The following RAB38 variants were observed in gnomAD, a reference collection of about 807,000 sequenced individuals.
RAB38 encodes the protein RAB38, member RAS oncogene family, also known as ras-related protein Rab-38.
RAB38 carries 15 observed loss-of-function variants against 18.4 expected under a neutral mutation model. The observed-to-expected ratio is 0.82, with a 90% CI of 0.55 to 1.26. The LOEUF is 1.26. Ranked by LOEUF, RAB38 falls within the 50% of genes most tolerant of loss-of-function variation. The probability of loss-of-function intolerance (pLI) is 0.00; values close to 1 mark genes in which losing one functional copy is unlikely to be tolerated. For synonymous variants in RAB38, 101 were observed against 104.4 expected (o/e 0.97, Z 0.20); for missense variants, 294 against 267.4 (o/e 1.10, Z -0.69).
the RAB38 span, among the ~76,000 whole-genome samples, chr11:87,958,059 T>C: frequency 6.6e-6 from 1 of 152,160 alleles, no homozygotes; most frequent in African/African-American, 2.4e-5. Context: ...CTGTAAAAAC[T>C]GTACTTCAAA....
At chr11:87,905,251 C>A in the RAB38 span, among the ~76,000 whole-genome samples, 2 of 151,046 alleles carry the variant, frequency 1.3e-5, no homozygotes, top group African/African-American at 4.9e-5. Context: ...AATCTTGTAT[C>A]TTTTCCCTCC....
chr11:87,813,692 T>C, the RAB38 span, among the ~76,000 whole-genome samples: 243 of 152,302 alleles, frequency 1.6e-3, 1 homozygote, highest in African/African-American at 5.5e-3. Flanking sequence ...CGTACCATAT[T>C]TTATTTCAGC....
At chr11:87,946,645 GT>G in the RAB38 span, among the ~76,000 whole-genome samples, 1 of 151,990 alleles carries the variant, frequency 6.6e-6, no homozygotes, top group African/African-American at 2.4e-5. Context: ...GTGGTGTTTG[GT>G]TTTTTGTCCT....
At chr11:87,870,898 G>A in the RAB38 span, among the ~76,000 whole-genome samples, 44,976 of 151,354 alleles carry the variant, frequency 0.3, 8,607 homozygotes, top group African/African-American at 0.53. Context: ...TTCATTTGCA[G>A]TGCAATATTT....
At chr11:87,931,201 G>A in the RAB38 span, among the ~76,000 whole-genome samples, 1 of 152,086 alleles carries the variant, frequency 6.6e-6, no homozygotes, top group East Asian at 1.9e-4. Context: ...CATGAGCATG[G>A]AATGTTCTTC....
At chr11:88,160,320 A>G (rs1445544631) in intron 1 of RAB38, among the ~76,000 whole-genome samples, 2 of 152,126 alleles carry the variant, frequency 1.3e-5, no homozygotes, top group Admixed American at 1.3e-4. Flanking sequence ...CTAAAAAGTC[A>G]AAAAACAACA....
chr11:88,064,067 A>C, the RAB38 span, among the ~76,000 whole-genome samples: 5 of 152,216 alleles, frequency 3.3e-5, no homozygotes, highest in Non-Finnish European at 5.9e-5. Context: ...AGATAACTAG[A>C]AGGAACAACA....
the RAB38 span, among the ~76,000 whole-genome samples, chr11:88,044,760 A>C: frequency 6.6e-6 from 1 of 151,884 alleles, no homozygotes; most frequent in South Asian, 2.1e-4. Flanking sequence ...CCCAACCCCA[A>C]GTGTGGCTGA....
the RAB38 span, among the ~76,000 whole-genome samples, chr11:87,841,390 C>T: frequency 3.3e-5 from 5 of 152,170 alleles, no homozygotes. Flanking sequence ...GACATGTTTG[C>T]TTCCCCTTCT....
chr11:88,017,263 C>T, the RAB38 span, among the ~76,000 whole-genome samples: 3 of 151,898 alleles, frequency 2.0e-5, no homozygotes, highest in East Asian at 3.9e-4. Flanking sequence ...GATATTGTAC[C>T]TATGTGCATA....
chr11:87,861,356 G>C, the RAB38 span, among the ~76,000 whole-genome samples: 1 of 151,972 alleles, frequency 6.6e-6, no homozygotes, highest in African/African-American at 2.4e-5. Context: ...AGCTTTCAGT[G>C]GAAGTTTTAA....
chr11:88,141,045 G>A (rs35809865), intron 2 of RAB38, among the ~76,000 whole-genome samples: 2,408 of 152,208 alleles, frequency 0.016, 23 homozygotes, highest in Non-Finnish European at 0.024. Flanking sequence ...GAAAGATCCA[G>A]GCTCAAAGAC....
the RAB38 span, among the ~76,000 whole-genome samples, chr11:87,932,002 G>T: frequency 6.6e-6 from 1 of 151,888 alleles, no homozygotes; most frequent in Non-Finnish European, 1.5e-5. Context: ...CAGGATTTTG[G>T]TGCTGCTTCT....
In RAB38 at chr11:88,175,244, C is replaced by T. The variant is rs1437937995; in HGVS notation, c.141G>A (p.Ala47=). 1 of 1,614,126 alleles carries T rather than the reference C, an allele frequency of 6.2e-7. No homozygotes were observed. Among genetic ancestry groups the T allele is most frequent in the Non-Finnish European group, 8.5e-7 (1 of 1,180,020 alleles). The change falls in exon 1 of 3, where the codon GCG becomes GCA. Residue 47 remains alanine, a synonymous_variant. Transcript: ENST00000243662. ...HYRATIGVDF[A]LKVLHWDPET... is the part of the protein sequence containing the mutation. ...CCGGGTCCCAGTGGAGCACCTTGAG[C>T]GCGAAGTCCACGCCGATTGTGGCCC...
At chr11:88,092,030 T>C in the RAB38 span, among the ~76,000 whole-genome samples, 1 of 151,826 alleles carries the variant, frequency 6.6e-6, no homozygotes, top group Admixed American at 6.6e-5. Context: ...TTCCAAGTCA[T>C]TGTCATGACA....
chr11:87,909,112 T>C, the RAB38 span, among the ~76,000 whole-genome samples: 2 of 151,994 alleles, frequency 1.3e-5, no homozygotes, highest in Admixed American at 1.3e-4. Context: ...TTAAGAATCA[T>C]TTATAGTATC....
At chr11:87,899,727 A>T in the RAB38 span, among the ~76,000 whole-genome samples, 268 of 151,696 alleles carry the variant, frequency 1.8e-3, 1 homozygote, top group African/African-American at 5.9e-3. Flanking sequence ...AGAGCATATA[A>T]TCTCTCCATC....
the RAB38 span, among the ~76,000 whole-genome samples, chr11:87,897,839 T>A: frequency 1.8e-3 from 267 of 151,636 alleles, 1 homozygote; most frequent in African/African-American, 5.9e-3. Context: ...GACAGGCAAG[T>A]GGAATGACCA....
chr11:88,066,568 G>T, the RAB38 span, among the ~76,000 whole-genome samples: 2 of 152,280 alleles, frequency 1.3e-5, no homozygotes. Context: ...CATGGGTCAG[G>T]ATGCACAGAT....
Sources: allele counts gnomAD v4.1 joint callset (sites outside exome capture counted in the v4.1 genomes callset), GRCh38; gene constraint gnomAD v4.1.1; transcripts MANE v1.5; gene names NCBI Gene and HGNC (gene_info 2026-07-23, HGNC 2026-07-21).